Variants in LUZP2 observed in about 807,000 individuals in gnomAD.
LUZP2 encodes the protein leucine zipper protein 2.
In LUZP2, 52 loss-of-function variants were observed where a neutral mutation model predicts 51.6. The observed-to-expected ratio is 1.01, with a 90% CI of 0.81 to 1.27. The LOEUF (loss-of-function observed/expected upper bound fraction) is 1.27, where lower values mean the gene tolerates loss of function less well. Ranked by LOEUF, LUZP2 falls within the 50% of genes most tolerant of loss-of-function variation. The pLI, the probability that LUZP2 is intolerant of heterozygous loss-of-function variation, is 0.00. For missense variants in LUZP2, 436 were observed against 395.4 expected (o/e 1.10, Z -0.87); for synonymous variants, 154 against 137.3 (o/e 1.12, Z -0.85).
At chr11:24,781,502 A>G (rs2134074673) in intron 5 of LUZP2, among the ~76,000 whole-genome samples, 1 of 152,054 alleles carries the variant, frequency 6.6e-6, no homozygotes, top group African/African-American at 2.4e-5. Flanking sequence ...CTTATGTCTG[A>G]AAGTTGCAGA....
chr11:24,771,691 A>G (rs773003432), intron 5 of LUZP2, among the ~76,000 whole-genome samples: 10 of 151,966 alleles, frequency 6.6e-5, no homozygotes, highest in Non-Finnish European at 4.4e-5. Context: ...ATCTCACCTT[A>G]ATTTGTAATA....
chr11:24,659,373 A>G (rs1855934242), intron 1 of LUZP2, among the ~76,000 whole-genome samples: 1 of 152,178 alleles, frequency 6.6e-6, no homozygotes, highest in Admixed American at 6.5e-5. Flanking sequence ...TTGAACAATG[A>G]GAACACATGG....
chr11:24,604,226 T>G (rs1273771554), intron 1 of LUZP2, among the ~76,000 whole-genome samples: 1 of 151,782 alleles, frequency 6.6e-6, no homozygotes, highest in Non-Finnish European at 1.5e-5. Context: ...AAGCATAAAT[T>G]ATTTGATTCA....
At chr11:24,717,890 C>T (rs945263755) in intron 1 of LUZP2, among the ~76,000 whole-genome samples, 23 of 131,054 alleles carry the variant, frequency 1.8e-4, no homozygotes, top group Non-Finnish European at 3.0e-4. Context: ...TAATAGCCTC[C>T]AGCTCCATCC....
chr11:24,969,797 A>AC (rs1855692883), intron 7 of LUZP2, among the ~76,000 whole-genome samples: 1 of 152,164 alleles, frequency 6.6e-6, no homozygotes. Flanking sequence ...CTACAAAAGA[A>AC]TGTGAGGCAG....
intron 5 of LUZP2, among the ~76,000 whole-genome samples, chr11:24,825,215 T>C (rs1438395106): frequency 6.6e-6 from 1 of 152,222 alleles, no homozygotes. Context: ...CCATGAACTG[T>C]CTGTTAAAAA....
chr11:24,863,245 T>C (rs1299291100), intron 5 of LUZP2, among the ~76,000 whole-genome samples: 1 of 152,100 alleles, frequency 6.6e-6, no homozygotes, highest in Admixed American at 6.6e-5. Flanking sequence ...TACCAAAACA[T>C]GTACATGAAT....
chr11:24,865,403 C>A (rs1053914561), intron 5 of LUZP2, among the ~76,000 whole-genome samples: 1 of 152,098 alleles, frequency 6.6e-6, no homozygotes, highest in African/African-American at 2.4e-5. Context: ...AAATCATTGT[C>A]CTGGTTAATT....
intron 1 of LUZP2, among the ~76,000 whole-genome samples, chr11:24,509,879 C>T (rs918875957): frequency 1.3e-5 from 2 of 152,024 alleles, no homozygotes; most frequent in Non-Finnish European, 2.9e-5. Flanking sequence ...TACATTTCCC[C>T]TATATATTCT....
chr11:24,833,995 T>C (rs1198040383), intron 5 of LUZP2, among the ~76,000 whole-genome samples: 1 of 152,164 alleles, frequency 6.6e-6, no homozygotes, highest in Non-Finnish European at 1.5e-5. Flanking sequence ...TAATGCTCAT[T>C]TATAGTTCTT....
At chr11:24,830,930 C>T (rs1420420701) in intron 5 of LUZP2, among the ~76,000 whole-genome samples, 2 of 151,844 alleles carry the variant, frequency 1.3e-5, no homozygotes, top group Non-Finnish European at 2.9e-5. Flanking sequence ...GGAGGTGGAG[C>T]TTGCAGTAAG....
chr11:24,737,435 A>C (rs985843719), intron 3 of LUZP2, among the ~76,000 whole-genome samples: 1 of 151,996 alleles, frequency 6.6e-6, no homozygotes, highest in South Asian at 2.1e-4. Context: ...ATTGCCACAC[A>C]TACAAACACA....
At chr11:24,826,398 A>G (rs1850543656) in intron 5 of LUZP2, among the ~76,000 whole-genome samples, 1 of 151,520 alleles carries the variant, frequency 6.6e-6, no homozygotes, top group African/African-American at 2.4e-5. Flanking sequence ...GAATTGGGAG[A>G]TTACACTACT....
intron 5 of LUZP2, among the ~76,000 whole-genome samples, chr11:24,772,077 G>A (rs373608712): frequency 1.3e-5 from 2 of 152,252 alleles, no homozygotes; most frequent in African/African-American, 4.8e-5. Context: ...TACAAAGACT[G>A]ATATCTGAGA....
intron 1 of LUZP2, among the ~76,000 whole-genome samples, chr11:24,661,961 C>CT (rs1167545420): frequency 6.6e-6 from 1 of 151,998 alleles, no homozygotes; most frequent in African/African-American, 2.4e-5. Flanking sequence ...GGAATACCTG[C>CT]TTTTTAATTC....
Position 25,016,172 on chromosome 11 carries a change from G to A in LUZP2, c.765+32879G>A, listed in dbSNP as rs182742254. ...CCTGACCTCATGATCCGCCCACTTC[G>A]GCCTCCAAAAGTGCTGGGATTACAA... On this transcript the variant is annotated intron_variant, in intron 9 of 11. Transcript: ENST00000336930. Among the ~76,000 whole-genome samples, 144 of 151,988 alleles carry A rather than the reference G, an allele frequency of 9.5e-4. 1 individual carries two copies. In the East Asian group the frequency reaches 0.017, roughly 18 times the overall value.
intron 1 of LUZP2, among the ~76,000 whole-genome samples, chr11:24,525,874 G>C (rs1248338499): frequency 6.6e-6 from 1 of 151,248 alleles, no homozygotes; most frequent in Non-Finnish European, 1.5e-5. Flanking sequence ...GGAAGGAAGT[G>C]GTTGGAATAC....
chr11:24,610,495 A>C (rs184835071), intron 1 of LUZP2, among the ~76,000 whole-genome samples: 30 of 152,320 alleles, frequency 2.0e-4, no homozygotes, highest in Non-Finnish European at 3.8e-4. Flanking sequence ...TTGAATGAAC[A>C]AGTGAGTGAA....
intron 7 of LUZP2, among the ~76,000 whole-genome samples, chr11:24,921,479 G>T (rs1317302157): frequency 6.6e-6 from 1 of 152,106 alleles, no homozygotes; most frequent in Non-Finnish European, 1.5e-5. Flanking sequence ...GAAGATGGCG[G>T]GAATTGCCAT....
Sources: allele counts gnomAD v4.1 joint callset (sites outside exome capture counted in the v4.1 genomes callset), GRCh38; gene constraint gnomAD v4.1.1; transcripts MANE v1.5; gene names NCBI Gene and HGNC (gene_info 2026-07-23, HGNC 2026-07-21).